Variants in TBC1D32 observed in about 807,000 individuals in gnomAD.
TBC1D32 encodes the protein TBC1 domain family member 32.
TBC1D32 carries 151 observed loss-of-function variants against 170.3 expected under a neutral mutation model. The ratio of observed to expected loss-of-function variants is 0.89; its 90% CI spans 0.78 to 1.01. The LOEUF (loss-of-function observed/expected upper bound fraction) is 1.01. Ranked by LOEUF, TBC1D32 falls within the 50% of genes least tolerant of loss-of-function variation. The probability of loss-of-function intolerance (pLI) is 0.00; values close to 1 mark genes in which losing one functional copy is unlikely to be tolerated. For missense variants in TBC1D32, 1,464 were observed against 1,457.1 expected (o/e 1.00, Z -0.08); for synonymous variants, 498 against 488.0 (o/e 1.02, Z -0.27).
intron 3 of TBC1D32, among the ~76,000 whole-genome samples, chr6:121,311,528 G>C (rs1808202480): frequency 6.6e-6 from 1 of 152,080 alleles, no homozygotes; most frequent in Non-Finnish European, 1.5e-5. Context: ...AAGAGATCTA[G>C]ACCATCCTGG....
chr6:121,327,831 T>C (rs556762452), intron 1 of TBC1D32, among the ~76,000 whole-genome samples: 5 of 152,274 alleles, frequency 3.3e-5, no homozygotes, highest in Admixed American at 1.3e-4. Context: ...AAAGTAAACA[T>C]GTCCACAGAC....
At chr6:121,228,612 GTACTTCATA>G (rs1795340804) in intron 20 of TBC1D32, among the ~76,000 whole-genome samples, 1 of 151,982 alleles carries the variant, frequency 6.6e-6, no homozygotes, top group East Asian at 1.9e-4. Flanking sequence ...GTTATAGAAT[GTACTTCATA>G]TTATTCCAAT....
At position 121,154,491 on chromosome 6, in the gene TBC1D32, G is replaced by C. The variant is rs531184461; in HGVS notation, c.2773+5519C>G. Among the ~76,000 whole-genome samples, 9 of 152,194 alleles carry C rather than the reference G, an allele frequency of 5.9e-5. No homozygotes were observed. In the East Asian group the frequency reaches 1.7e-3, roughly 29 times the overall value. On this transcript the variant is annotated intron_variant, in intron 24 of 31. Transcript: ENST00000398212. The stretch of plus-strand genomic sequence containing the variant: ...TTTTTTACTTGTTGATTTGTTCAAG[G>C]CCCTGTTAGATTCTTGATATTAGCT...
intron 29 of TBC1D32, among the ~76,000 whole-genome samples, chr6:121,107,150 TA>T (rs1205472547): frequency 6.6e-6 from 1 of 151,960 alleles, no homozygotes. Flanking sequence ...TCAAACTTTT[TA>T]AATAAAGTTA....
chr6:121,223,842 TTTCCTA>T (rs1794785565), intron 20 of TBC1D32, among the ~76,000 whole-genome samples: 1 of 42,918 alleles, frequency 2.3e-5, no homozygotes, highest in African/African-American at 4.1e-5. Flanking sequence ...AGCCATGCCT[TTTCCTA>T]TCAAAGCTAA....
intron 15 of TBC1D32, among the ~76,000 whole-genome samples, chr6:121,261,252 C>G (rs1055457991): frequency 1.4e-4 from 22 of 152,302 alleles, no homozygotes; most frequent in South Asian, 6.2e-4. Flanking sequence ...TGGTTTCCCC[C>G]CAGTGCAGCA....
At chr6:121,157,362 T>C (rs1785036461) in intron 24 of TBC1D32, among the ~76,000 whole-genome samples, 2 of 152,110 alleles carry the variant, frequency 1.3e-5, no homozygotes, top group South Asian at 4.1e-4. Flanking sequence ...TTTGTGTGGT[T>C]GTTTTTCTGC....
In TBC1D32 at chr6:121,241,447, T is replaced by A. The variant is rs1441485974; in HGVS notation, c.2245+18A>T. 1 of 1,597,720 alleles carries A rather than the reference T, an allele frequency of 6.3e-7. No homozygotes were observed. Among genetic ancestry groups the A allele is most frequent in the East Asian group, 2.3e-5 (1 of 44,328 alleles). ...ATCTTTAAAATAATTATAATTCTAA[T>A]GAAAAGAAAACATTTACCTGACTTT... On this transcript the variant is annotated intron_variant, in intron 19 of 31. Coordinates refer to ENST00000398212, the MANE Select transcript of TBC1D32 (RefSeq NM_152730.6).
chr6:121,133,926 T>G (rs1235011442), intron 24 of TBC1D32, among the ~76,000 whole-genome samples: 4 of 146,638 alleles, frequency 2.7e-5, no homozygotes, highest in Non-Finnish European at 6.0e-5. Flanking sequence ...ATAAAAACAC[T>G]TAAAACTATA....
intron 24 of TBC1D32, among the ~76,000 whole-genome samples, chr6:121,147,918 C>CTTTTTT (rs35019014): frequency 5.8e-5 from 8 of 136,758 alleles, no homozygotes; most frequent in South Asian, 2.4e-4. Flanking sequence ...ACTTGTATGT[C>CTTTTTT]TTTTTTTTTT....
At chr6:121,232,445 C>A (rs1212698825) in intron 20 of TBC1D32, among the ~76,000 whole-genome samples, 1 of 151,906 alleles carries the variant, frequency 6.6e-6, no homozygotes, top group East Asian at 1.9e-4. Context: ...ATTGTTTGTT[C>A]TAGTTGTGTG....
chr6:121,151,184 G>A (rs908670224), intron 24 of TBC1D32, among the ~76,000 whole-genome samples: 3 of 152,126 alleles, frequency 2.0e-5, no homozygotes, highest in Admixed American at 6.6e-5. Context: ...CTGTGTCCCA[G>A]AGATTCTGGT....
At chr6:121,123,682 T>A (rs973133676) in intron 26 of TBC1D32, among the ~76,000 whole-genome samples, 1 of 152,130 alleles carries the variant, frequency 6.6e-6, no homozygotes, top group African/African-American at 2.4e-5. Context: ...TGTTTTGATA[T>A]TCAGCCATTT....
At chr6:121,296,613 G>A (rs1020007926) in intron 10 of TBC1D32, among the ~76,000 whole-genome samples, 29 of 152,164 alleles carry the variant, frequency 1.9e-4, no homozygotes, top group African/African-American at 7.0e-4. Flanking sequence ...AGTATTTTGA[G>A]TCCATCCATT....
At chr6:121,124,356 A>G (rs965516370) in intron 26 of TBC1D32, among the ~76,000 whole-genome samples, 4 of 151,868 alleles carry the variant, frequency 2.6e-5, no homozygotes, top group African/African-American at 9.7e-5. Context: ...TTTTGAGTAT[A>G]TTGTCCTACT....
chr6:121,112,145 A>T (rs1779261531), intron 29 of TBC1D32, among the ~76,000 whole-genome samples: 2 of 152,128 alleles, frequency 1.3e-5, no homozygotes, highest in African/African-American at 4.8e-5. Flanking sequence ...TGATTTTCTT[A>T]TACCATAATC....
chr6:121,290,304 A>G (rs1207071754), intron 12 of TBC1D32, among the ~76,000 whole-genome samples: 1 of 152,162 alleles, frequency 6.6e-6, no homozygotes, highest in Non-Finnish European at 1.5e-5. Flanking sequence ...AATTTACAAG[A>G]AAAAAACAAA....
intron 22 of TBC1D32, among the ~76,000 whole-genome samples, chr6:121,183,676 A>C (rs1788819939): frequency 6.6e-6 from 1 of 152,140 alleles, no homozygotes; most frequent in Non-Finnish European, 1.5e-5. Context: ...TAATAAGTGA[A>C]TTAAACCTTC....
Position 121,113,097 on chromosome 6 carries a change from A to G in TBC1D32, c.3134T>C (p.Leu1045Pro). The G allele has an allele frequency of 1.9e-6, 3 of 1,611,264 alleles. No individual in the cohort carries two copies. The highest frequency in any genetic ancestry group is 2.5e-6 in the Non-Finnish European group (3 of 1,178,892). ...TWVLKHCERF[L>P]KQQQTSIKSS... ...TTTTATGGAAGTTTGCTGCTGTTTC[A>G]GGAATCTCTCACAATGCTTTAAAAC... The change falls in exon 28 of 32, where the codon CTG (leucine) becomes CCG (proline). Residue 1045 changes from leucine (L) to proline (P), a missense_variant. Leu to Pro is a moderately conservative substitution (Grantham distance 98). Around this residue, in one of 3 missense-constraint regions of TBC1D32, gnomAD observed 1,363 missense variants for 1,338.1 expected, o/e 1.02. Transcript: ENST00000398212.
Sources: allele counts gnomAD v4.1 joint callset (sites outside exome capture counted in the v4.1 genomes callset), GRCh38; gene constraint gnomAD v4.1.1; regional missense constraint gnomAD v4.1.1; transcripts MANE v1.5; gene names NCBI Gene and HGNC (gene_info 2026-07-23, HGNC 2026-07-21).